MORC1: variants seen among roughly 807,000 people sequenced by gnomAD.
MORC1 encodes MORC family CW-type zinc finger 1, also known as MORC family CW-type zinc finger protein 1.
A neutral mutation model predicts 134.9 loss-of-function variants in MORC1; 59 were observed. The observed-to-expected ratio is 0.44, with a 90% CI of 0.35 to 0.54. The LOEUF (loss-of-function observed/expected upper bound fraction) is 0.54, where lower values mean the gene tolerates loss of function less well. MORC1 is among the 20% of genes least tolerant of loss of function. The pLI, the probability that MORC1 is intolerant of heterozygous loss-of-function variation, is 0.00. For synonymous variants in MORC1, 395 were observed against 391.7 expected, an observed-to-expected ratio of 1.01 and a Z score of -0.10; for missense variants, 947 against 1,134.5, an observed-to-expected ratio of 0.83 and a Z score of 2.37.
At chr3:109,117,043 A>C (rs1951289048) in intron 1 of MORC1, among the ~76,000 whole-genome samples, 2 of 151,270 alleles carry the variant, frequency 1.3e-5, no homozygotes, top group African/African-American at 4.9e-5. Context: ...CATTTTTCTT[A>C]AACTCACTCG....
At chr3:108,981,244 T>C (rs992655906) in intron 23 of MORC1, among the ~76,000 whole-genome samples, 1 of 152,156 alleles carries the variant, frequency 6.6e-6, no homozygotes, top group Non-Finnish European at 1.5e-5. Context: ...GTCCATAAAT[T>C]AAGATCACAG....
At chr3:109,009,824 G>A (rs1381671434) in intron 17 of MORC1, among the ~76,000 whole-genome samples, 1 of 151,904 alleles carries the variant, frequency 6.6e-6, no homozygotes, top group Non-Finnish European at 1.5e-5. Context: ...TTTCAAACAC[G>A]TAGCTTCAAG....
chr3:109,002,769 C>T (rs796932750), intron 20 of MORC1, among the ~76,000 whole-genome samples: 1 of 152,128 alleles, frequency 6.6e-6, no homozygotes, highest in East Asian at 1.9e-4. Context: ...TGTCACTTCC[C>T]TGCTTGAAAC....
intron 6 of MORC1, among the ~76,000 whole-genome samples, chr3:109,096,817 G>A (rs528060100): frequency 6.6e-6 from 1 of 152,132 alleles, no homozygotes; most frequent in Admixed American, 6.5e-5. Context: ...TGGGGTCTGG[G>A]ATCAGACCCC....
At chr3:108,962,859 C>T (rs1289498842) in intron 27 of MORC1, among the ~76,000 whole-genome samples, 1 of 152,092 alleles carries the variant, frequency 6.6e-6, no homozygotes, top group Non-Finnish European at 1.5e-5. Context: ...CATGATGTTT[C>T]CTGACTTCTC....
chr3:109,056,506 C>T (rs566819193), intron 13 of MORC1, among the ~76,000 whole-genome samples: 3 of 152,274 alleles, frequency 2.0e-5, no homozygotes, highest in South Asian at 2.1e-4. Context: ...GGATTACAGG[C>T]GTGAGCCACT....
At chr3:109,001,793 C>A (rs1440710686) in intron 20 of MORC1, among the ~76,000 whole-genome samples, 2 of 152,154 alleles carry the variant, frequency 1.3e-5, no homozygotes, top group African/African-American at 4.8e-5. Flanking sequence ...AGACTGTCTC[C>A]TATTTAAACC....
chr3:108,967,037 T>C (rs1576574905), intron 26 of MORC1, among the ~76,000 whole-genome samples: 2 of 152,220 alleles, frequency 1.3e-5, no homozygotes, highest in East Asian at 3.8e-4. Context: ...GTGGCTCTCT[T>C]TATTAAATGC....
chr3:108,996,035 A>G (rs1299034276), intron 21 of MORC1, among the ~76,000 whole-genome samples: 1 of 152,158 alleles, frequency 6.6e-6, no homozygotes, highest in East Asian at 1.9e-4. Flanking sequence ...GTGATTACAA[A>G]AGGAGGAGCA....
chr3:109,072,094 G>A (rs1264724739), intron 8 of MORC1, among the ~76,000 whole-genome samples: 3 of 152,108 alleles, frequency 2.0e-5, no homozygotes, highest in Non-Finnish European at 4.4e-5. Context: ...AGGCAAAGAG[G>A]GCTAAATATA....
intron 14 of MORC1, among the ~76,000 whole-genome samples, chr3:109,041,871 G>A (rs913560130): frequency 1.6e-4 from 25 of 151,744 alleles, no homozygotes; most frequent in African/African-American, 6.1e-4. Flanking sequence ...TTGAACCCAG[G>A]AGGTAGAGGT....
intron 10 of MORC1, among the ~76,000 whole-genome samples, chr3:109,062,459 C>T (rs1165866019): frequency 6.8e-6 from 1 of 147,774 alleles, no homozygotes; most frequent in Non-Finnish European, 1.5e-5. Context: ...CTCGCTCTAT[C>T]ACCCAGGCTG....
intron 17 of MORC1, among the ~76,000 whole-genome samples, chr3:109,016,353 T>G (rs1385646020): frequency 6.6e-6 from 1 of 152,164 alleles, no homozygotes; most frequent in African/African-American, 2.4e-5. Flanking sequence ...ATCTTTACTG[T>G]ACCCTCCATA....
At chr3:109,100,075 C>G (rs1559952493) in intron 5 of MORC1, among the ~76,000 whole-genome samples, 1 of 152,010 alleles carries the variant, frequency 6.6e-6, no homozygotes, top group Non-Finnish European at 1.5e-5. Context: ...GAAACTCTGT[C>G]TCTACAAAAA....
chr3:108,989,612 C>A (rs1382042010), intron 21 of MORC1, among the ~76,000 whole-genome samples: 1 of 152,094 alleles, frequency 6.6e-6, no homozygotes, highest in East Asian at 1.9e-4. Flanking sequence ...TGAGTGATAT[C>A]ACTTTATCTG....
chr3:108,969,661 A>G lies in MORC1; in HGVS notation c.2604+8T>C. ...GAATATAAATGGTGATACTGAAAGG[A>G]AGCTTACCTGGTTGAAACACATTTT... On this transcript the variant is annotated splice_region_variant and intron_variant, in intron 26 of 27. Transcript: ENST00000232603. The G allele has an allele frequency of 1.2e-6, 2 of 1,611,840 alleles. No homozygotes were observed. Among genetic ancestry groups the G allele is most frequent in the Non-Finnish European group, 8.5e-7 (1 of 1,177,990 alleles).
intron 8 of MORC1, among the ~76,000 whole-genome samples, chr3:109,079,476 A>T (rs992682264): frequency 2.0e-5 from 3 of 152,144 alleles, no homozygotes; most frequent in African/African-American, 7.2e-5. Context: ...AAATAAAACA[A>T]AATGTACTCT....
Position 109,078,953 on chromosome 3 carries a change from T to A in MORC1, c.690-9196A>T, listed in dbSNP as rs576235471. 3.3e-5 allele frequency among the ~76,000 whole-genome samples: 5 copies of A among 152,040 alleles called. No homozygotes were observed. In the East Asian group the frequency reaches 7.7e-4, roughly 23 times the overall value. On this transcript the variant is annotated intron_variant, in intron 8 of 27. Coordinates refer to ENST00000232603, the MANE Select transcript of MORC1 (RefSeq NM_014429.4). ...AAGCCCCAAAATTCCAAAATCTGAATAGAATAACAGTCTTAGCACCATTAA... is the reference window on the plus strand; with the variant it reads ...AAGCCCCAAAATTCCAAAATCTGAAAAGAATAACAGTCTTAGCACCATTAA...
intron 6 of MORC1, among the ~76,000 whole-genome samples, chr3:109,098,106 T>C (rs184802420): frequency 7.9e-5 from 12 of 152,264 alleles, no homozygotes; most frequent in Non-Finnish European, 1.5e-4. Context: ...AGACAGGGTC[T>C]CACTATGTTG....
Sources: allele counts gnomAD v4.1 joint callset (sites outside exome capture counted in the v4.1 genomes callset), GRCh38; gene constraint gnomAD v4.1.1; transcripts MANE v1.5; gene names NCBI Gene and HGNC (gene_info 2026-07-23, HGNC 2026-07-21).